The following SCGB2B2 variants were observed in gnomAD, a reference collection of about 807,000 sequenced individuals.
The protein encoded by SCGB2B2 is secretoglobin family 2B member 2.
In SCGB2B2, 11 loss-of-function variants were observed where a neutral mutation model predicts 7.6. The observed-to-expected ratio is 1.45, with a 90% CI of 0.91 to 2.40. The LOEUF (loss-of-function observed/expected upper bound fraction) is 2.40. SCGB2B2 is among the 30% of genes most tolerant of loss of function. The pLI is 0.00. For missense variants in SCGB2B2, 104 were observed against 115.4 expected (o/e 0.90, Z 0.45); for synonymous variants, 50 against 48.6 (o/e 1.03, Z -0.12).
At chr19:34,664,884 T>C (rs368475058) in intron 1 of SCGB2B2, among the ~76,000 whole-genome samples, 1 of 147,892 alleles carries the variant, frequency 6.8e-6, no homozygotes, top group African/African-American at 2.5e-5. Context: ...CCCTCCCCTC[T>C]TTCTTCATCC....
chr19:34,637,769 G>A (rs776791937), intron 1 of SCGB2B2: 6 of 151,936 alleles, frequency 3.9e-5, no homozygotes, highest in African/African-American at 7.3e-5. Flanking sequence ...TGTCAAACCC[G>A]TAATTCTGGA....
chr19:34,653,897 G>C (rs1254014259), intron 1 of SCGB2B2, among the ~76,000 whole-genome samples: 1 of 150,488 alleles, frequency 6.6e-6, no homozygotes, highest in Non-Finnish European at 1.5e-5. Context: ...TTTCCTCTAA[G>C]ATCAGGAACA....
chr19:34,664,501 G>C (rs770894306), intron 1 of SCGB2B2, among the ~76,000 whole-genome samples: 1 of 152,218 alleles, frequency 6.6e-6, no homozygotes, highest in African/African-American at 2.4e-5. Flanking sequence ...CCAGGTGCCT[G>C]TGCCTTGGCT....
intron 1 of SCGB2B2, among the ~76,000 whole-genome samples, chr19:34,668,016 A>C (rs8106017): frequency 0.12 from 18,115 of 152,036 alleles, 1,105 homozygotes; most frequent in East Asian, 0.22. Flanking sequence ...ATGTAGTGAG[A>C]GGTGACAGCA....
chr19:34,623,320 C>T (rs922323318), intron 1 of SCGB2B2, among the ~76,000 whole-genome samples: 1 of 152,094 alleles, frequency 6.6e-6, no homozygotes, highest in Non-Finnish European at 1.5e-5. Flanking sequence ...AGGCTGCACT[C>T]GAGGAAAGTG....
chr19:34,643,980 C>T (rs998220953), intron 1 of SCGB2B2, among the ~76,000 whole-genome samples: 4 of 152,050 alleles, frequency 2.6e-5, no homozygotes, highest in Admixed American at 2.6e-4. Flanking sequence ...AAGGTAATTA[C>T]AGTGTACTAT....
chr19:34,594,737 C>A lies in SCGB2B2; in HGVS notation c.-174G>T. ...CAGGGCAGGTCTGCAGAGAGACCCT[C>A]GGCCCTGGGCCATGCTGTTGGGGTG... On this transcript the variant is annotated 5_prime_UTR_variant, in exon 2 of 4. The change creates a premature stop within an existing upstream ORF in the 5' untranslated region. Transcript: ENST00000601241. 3.1e-6 allele frequency: 2 copies of A among 654,984 alleles called. No individual in the cohort carries two copies. Among genetic ancestry groups the A allele is most frequent in the South Asian group, 3.5e-5 (2 of 56,710 alleles). The allele number at this position is 654,984 out of a possible 1,614,324, so 40.6% of individuals were successfully genotyped here.
chr19:34,625,864 C>A (rs753939600), intron 1 of SCGB2B2, among the ~76,000 whole-genome samples: 87 of 152,176 alleles, frequency 5.7e-4, no homozygotes, highest in Non-Finnish European at 1.2e-3. Flanking sequence ...ATGGGAGGCA[C>A]CCACCAGTAG....
chr19:34,658,567 T>C (rs1171108640), intron 1 of SCGB2B2, among the ~76,000 whole-genome samples: 2 of 152,124 alleles, frequency 1.3e-5, no homozygotes, highest in Admixed American at 1.3e-4. Flanking sequence ...GTTGAATCTC[T>C]GAATAGACCA....
chr19:34,673,743 G>C (rs2067856340), intron 1 of SCGB2B2, among the ~76,000 whole-genome samples: 1 of 152,138 alleles, frequency 6.6e-6, no homozygotes. Context: ...TACGGGTATT[G>C]GGACATCTGG....
At chr19:34,613,896 T>A (rs1478170065) in intron 1 of SCGB2B2, among the ~76,000 whole-genome samples, 2 of 152,252 alleles carry the variant, frequency 1.3e-5, no homozygotes, top group Non-Finnish European at 2.9e-5. Flanking sequence ...TTGCTCTGTA[T>A]AGTATTCTTG....
At chr19:34,628,888 G>A (rs899781826) in intron 1 of SCGB2B2, among the ~76,000 whole-genome samples, 1 of 151,814 alleles carries the variant, frequency 6.6e-6, no homozygotes, top group Non-Finnish European at 1.5e-5. Flanking sequence ...CTGGCAAACC[G>A]AATCCAGCAG....
chr19:34,594,120 C>T, intron 3 of SCGB2B2, 55 bp downstream of exon 3: 1 of 1,436,464 alleles, frequency 7.0e-7, no homozygotes, highest in South Asian at 1.2e-5. Flanking sequence ...CAGGGAAGTG[C>T]AAGCCTGGGA....
chr19:34,656,891 T>C (rs1171808761), intron 1 of SCGB2B2, among the ~76,000 whole-genome samples: 1 of 151,142 alleles, frequency 6.6e-6, no homozygotes, highest in Non-Finnish European at 1.5e-5. Flanking sequence ...TGAGTTCAGA[T>C]ACTAAACAAA....
rs1264806751 is a variant in SCGB2B2 at position 34,619,533 on chromosome 19, G to A, written c.-2031-22939C>T. On this transcript the variant is annotated intron_variant, in intron 1 of 3. Coordinates refer to ENST00000601241, the MANE Select transcript of SCGB2B2 (RefSeq NM_001025591.4). ...ATGGCAAGCGATGGGCAAAGAGACG[G>A]CAAGCAATTTTTATGAGATGTAGAA... Among the ~76,000 whole-genome samples the A allele has an allele frequency of 2.0e-5, 3 of 152,184 alleles. No homozygotes were observed. The East Asian group carries it at 5.8e-4, about 29-fold the overall frequency.
chr19:34,631,757 A>G (rs2066542122), intron 1 of SCGB2B2, among the ~76,000 whole-genome samples: 1 of 152,176 alleles, frequency 6.6e-6, no homozygotes, highest in Admixed American at 6.5e-5. Flanking sequence ...GAAAATGACA[A>G]CTAAATTCTA....
At chr19:34,619,022 A>G (rs1415060349) in intron 1 of SCGB2B2, among the ~76,000 whole-genome samples, 2 of 152,258 alleles carry the variant, frequency 1.3e-5, no homozygotes, top group African/African-American at 4.8e-5. Context: ...CAAATGTCTA[A>G]ATTTTGAATA....
At chr19:34,661,243 G>A (rs2067447043) in intron 1 of SCGB2B2, among the ~76,000 whole-genome samples, 1 of 151,842 alleles carries the variant, frequency 6.6e-6, no homozygotes, top group Admixed American at 6.6e-5. Context: ...TGCATGTTAT[G>A]CACATGTACC....
chr19:34,602,549 G>GT (rs892975652), intron 1 of SCGB2B2, among the ~76,000 whole-genome samples: 88 of 152,158 alleles, frequency 5.8e-4, no homozygotes, highest in African/African-American at 2.0e-3. Context: ...GTTGCCCTTT[G>GT]TTTTTTTGTG....
Sources: gnomAD v4.1 joint callset for allele counts (sites outside exome capture counted in the v4.1 genomes callset) on GRCh38, gnomAD v4.1.1 for gene constraint, MANE v1.5 for transcripts, NCBI Gene and HGNC (gene_info 2026-07-23, HGNC 2026-07-21) for gene names.